Variants in ZDHHC5 observed in about 807,000 individuals in gnomAD.
ZDHHC5 encodes the protein zDHHC palmitoyltransferase 5.
In ZDHHC5, 22 loss-of-function variants were observed where a neutral mutation model predicts 70.0. The ratio of observed to expected loss-of-function variants is 0.31; its 90% CI spans 0.22 to 0.45. The LOEUF (loss-of-function observed/expected upper bound fraction) is 0.45. ZDHHC5 is among the 20% of genes least tolerant of loss of function. The probability of loss-of-function intolerance (pLI) is 1.00; values close to 1 mark genes in which losing one functional copy is unlikely to be tolerated. For missense variants in ZDHHC5, 746 were observed against 926.9 expected, an observed-to-expected ratio of 0.80 and a Z score of 2.53; for synonymous variants, 313 against 347.8, an observed-to-expected ratio of 0.90 and a Z score of 1.11.
chr11:57,699,003 C>G lies in ZDHHC5; in HGVS notation c.1567C>G (p.Pro523Ala). 2 of 1,609,216 alleles carry G rather than the reference C, an allele frequency of 1.2e-6. No individual in the cohort carries two copies. Among genetic ancestry groups the G allele is most frequent in the Non-Finnish European group, 1.7e-6 (2 of 1,179,974 alleles). Residue 523 changes from proline (P) to alanine (A), a missense_variant, in exon 11 of 12, where the codon CCA becomes GCA. Pro to Ala is a conservative substitution (Grantham distance 27). Transcript: ENST00000287169. Reference sequence around the variant, plus strand: ...GCACCCACGTTTGGTGCCAACTGGCCCAACACACCGAGAGCCCTCACCAGT... The same window carrying G: ...GCACCCACGTTTGGTGCCAACTGGCGCAACACACCGAGAGCCCTCACCAGT... The part of the protein sequence containing the change: ...ERHPRLVPTG[P>A]THREPSPVRY...
chr11:57,672,054 T>C lies in ZDHHC5; in HGVS notation c.-1037T>C, dbSNP rs541232281. ...CAGTAACCTGGTTGAACTCTGCATC[T>C]GGAAAGCTGAAGACTGAAGAAAGAT... On this transcript the variant is annotated 5_prime_UTR_variant, in exon 2 of 12. Coordinates refer to ENST00000287169, the MANE Select transcript of ZDHHC5 (RefSeq NM_015457.3). The C allele has an allele frequency of 7.4e-5, 29 of 391,372 alleles. No homozygotes were observed. The Admixed American group carries it at 1.2e-3, about 16-fold the overall frequency. The allele number at this position is 391,372 out of a possible 1,614,324, so 24.2% of individuals were successfully genotyped here.
In ZDHHC5 at chr11:57,699,429, G is replaced by A; in HGVS notation, c.1982+11G>A. 11 of 1,546,716 alleles carry A rather than the reference G, an allele frequency of 7.1e-6. No individual in the cohort carries two copies. The highest frequency in any genetic ancestry group is 9.6e-6 in the Non-Finnish European group (11 of 1,149,320). ...ATTACTGACACCCAAGTAAGTATTA[G>A]TACTATCCTGACCCTTAGCCAATTT... On this transcript the variant is annotated intron_variant, in intron 11 of 11. Transcript: ENST00000287169.
At position 57,698,286 on chromosome 11, in the gene ZDHHC5, A is replaced by G. The variant is rs369564772; in HGVS notation, c.1123-273A>G. Among the ~76,000 whole-genome samples, 14 of 152,300 alleles carry G rather than the reference A, an allele frequency of 9.2e-5. No homozygotes were observed. The East Asian group carries it at 2.3e-3, about 25-fold the overall frequency. On this transcript the variant is annotated intron_variant, in intron 10 of 11. Transcript: ENST00000287169. ...TGTCCTTCATCAGACTGGGCAATAT[A>G]GCATAATAGATTAGTGCTTGATCCG...
intron 3 of ZDHHC5, among the ~76,000 whole-genome samples, chr11:57,686,744 A>G (rs1385741767): frequency 6.6e-6 from 1 of 152,194 alleles, no homozygotes; most frequent in Non-Finnish European, 1.5e-5. Context: ...ATTGTGGTAT[A>G]TATCCTTGCA....
chr11:57,673,043 G>C lies in ZDHHC5; in HGVS notation c.-48G>C. On this transcript the variant is annotated 5_prime_UTR_variant, in exon 2 of 12. Coordinates refer to ENST00000287169, the MANE Select transcript of ZDHHC5 (RefSeq NM_015457.3). The stretch of plus-strand genomic sequence containing the variant: ...ATTTTCTTGTCTGTTCTGCCGCTGT[G>C]TGGGCCTGGGCTATGCGGCAGGGCA... The C allele has an allele frequency of 6.3e-7, 1 of 1,584,172 alleles. No individual in the cohort carries two copies. Among genetic ancestry groups the C allele is most frequent in the Non-Finnish European group, 8.7e-7 (1 of 1,153,380 alleles).
chr11:57,684,662 G>A (rs1231649533), intron 3 of ZDHHC5, among the ~76,000 whole-genome samples: 1 of 152,152 alleles, frequency 6.6e-6, no homozygotes, highest in Non-Finnish European at 1.5e-5. Context: ...GGTTATGCTT[G>A]CAGAAGAAGT....
chr11:57,690,484 CT>C (rs781596209), intron 6 of ZDHHC5, 47 bp downstream of exon 6: 2 of 1,593,856 alleles, frequency 1.3e-6, no homozygotes, highest in South Asian at 1.1e-5. Context: ...GGTCATGTCT[CT>C]TTAGCCTTCT....
In ZDHHC5 at chr11:57,673,122, C is replaced by T. The variant is rs763345795; in HGVS notation, c.32C>T (p.Pro11Leu). The T allele has an allele frequency of 1.2e-6, 2 of 1,614,060 alleles. No individual in the cohort carries two copies. The highest frequency in any genetic ancestry group is 1.7e-6 in the Non-Finnish European group (2 of 1,179,966). Residue 11 changes from proline to leucine, a missense_variant, in exon 2 of 12, where the codon CCC becomes CTC. By Grantham distance (98) the Pro-to-Leu change is moderately conservative (BLOSUM62 -3). Around this residue, in one of 6 missense-constraint regions of ZDHHC5, gnomAD observed 89 missense variants for 130.7 expected, o/e 0.68. Coordinates refer to ENST00000287169, the MANE Select transcript of ZDHHC5 (RefSeq NM_015457.3). ...GCAGAGTCTGGAAAGAGATTCAAACCCAGCAAGTATGTCCCGGTCTCTGCA... is the reference window on the plus strand; with the variant it reads ...GCAGAGTCTGGAAAGAGATTCAAACTCAGCAAGTATGTCCCGGTCTCTGCA... MPAESGKRFK[P>L]SKYVPVSAAA...
chr11:57,671,467 A>G (rs902439958), intron 1 of ZDHHC5, among the ~76,000 whole-genome samples: 9 of 152,186 alleles, frequency 5.9e-5, no homozygotes, highest in African/African-American at 1.9e-4. Context: ...CTGCAAGAAC[A>G]TTTCTTACCC....
In ZDHHC5 at chr11:57,672,005, A is replaced by G. The variant is rs149986287; in HGVS notation, c.-1070-16A>G. The G allele has an allele frequency of 4.8e-5, 18 of 377,232 alleles. No individual in the cohort carries two copies. The highest frequency in any genetic ancestry group is 2.7e-4 in the African/African-American group (13 of 48,298). 23.4% of individuals were successfully genotyped at this position (377,232 alleles called of 1,614,324 possible). On this transcript the variant is annotated splice_polypyrimidine_tract_variant and intron_variant, in intron 1 of 11. Transcript: ENST00000287169. ...CCTGAAAGAATTCTCTGATAAAGATACTTGTTTTTCTCCAGGTGAGACACA... is the reference window on the plus strand; with the variant it reads ...CCTGAAAGAATTCTCTGATAAAGATGCTTGTTTTTCTCCAGGTGAGACACA...
At chr11:57,671,991 T>A (rs1203174450) in intron 1 of ZDHHC5, 30 bp from the exon 2 acceptor site, 3 of 363,080 alleles carry the variant, frequency 8.3e-6, no homozygotes, top group Non-Finnish European at 1.5e-5. Flanking sequence ...CTGAAAGAAT[T>A]CTCTGATAAA....
chr11:57,689,903 C>T, intron 4 of ZDHHC5, 128 bp from the exon 5 acceptor site: 1 of 1,246,298 alleles, frequency 8.0e-7, no homozygotes, highest in Non-Finnish European at 1.1e-6. Flanking sequence ...GCAAAATAAA[C>T]TGGATTTAAT....
At position 57,688,623 on chromosome 11, in the gene ZDHHC5, C is replaced by T. The variant is rs1402750033; in HGVS notation, c.342C>T (p.Pro114=). ...GTGCCACCTGCCGCTTTTACCGTCC[C>T]CCTCGATGTTCCCACTGCAGTGTCT... ...KWCATCRFYR[P]PRCSHCSVCD... is the part of the protein sequence containing the mutation. Residue 114 remains proline, a synonymous_variant, in exon 4 of 12, where the codon CCC becomes CCT. Coordinates refer to ENST00000287169, the MANE Select transcript of ZDHHC5 (RefSeq NM_015457.3). 6.2e-7 allele frequency: 1 copy of T among 1,610,402 alleles called. No individual in the cohort carries two copies. The highest frequency in any genetic ancestry group is 8.5e-7 in the Non-Finnish European group (1 of 1,178,458).
At chr11:57,675,294 T>C (rs1273310691) in intron 2 of ZDHHC5, among the ~76,000 whole-genome samples, 3 of 152,228 alleles carry the variant, frequency 2.0e-5, no homozygotes, top group Admixed American at 6.5e-5. Context: ...CTCCCTCTTC[T>C]TGAGATAGAG....
intron 3 of ZDHHC5, among the ~76,000 whole-genome samples, chr11:57,686,504 T>TG (rs971303543): frequency 4.2e-4 from 64 of 151,970 alleles, no homozygotes; most frequent in African/African-American, 1.5e-3. Context: ...TTAGTAGAGA[T>TG]GGGGTCTCAC....
intron 2 of ZDHHC5, among the ~76,000 whole-genome samples, chr11:57,675,489 T>A (rs901644729): frequency 6.6e-6 from 1 of 152,208 alleles, no homozygotes; most frequent in African/African-American, 2.4e-5. Context: ...TTCCATGGTC[T>A]CTTAGCTCTA....
Position 57,690,195 on chromosome 11 carries a change from G to A in ZDHHC5, c.549G>A (p.Thr183=), listed in dbSNP as rs1424242131. 3.7e-6 allele frequency: 6 copies of A among 1,613,922 alleles called. No homozygotes were observed. Among genetic ancestry groups the A allele is most frequent in the East Asian group, 2.2e-5 (1 of 44,892 alleles). ...TAGAGGAACTCTCAGGGGTCCGCAC[G>A]GCTGTCACGTATCCTTCAAGGCCTT... is the stretch of plus-strand genomic sequence containing the variant. ...YHIEELSGVR[T]AVTMAVMCVA... The change falls in exon 5 of 12, where the codon ACG becomes ACA. Residue 183 remains threonine (T), a synonymous_variant. Transcript: ENST00000287169.
chr11:57,688,443 T>C (rs1022376116), intron 3 of ZDHHC5, 65 bp from the exon 4 acceptor site: 4 of 1,440,716 alleles, frequency 2.8e-6, no homozygotes, highest in Non-Finnish European at 3.7e-6. Context: ...TTAAACATCA[T>C]TGAATCCCTA....
intron 9 of ZDHHC5, among the ~76,000 whole-genome samples, chr11:57,696,464 C>T (rs972872007): frequency 6.6e-6 from 1 of 152,168 alleles, no homozygotes; most frequent in African/African-American, 2.4e-5. Context: ...ACCTGTGATC[C>T]CAGCACTTTG....
Sources: allele counts gnomAD v4.1 joint callset (sites outside exome capture counted in the v4.1 genomes callset), GRCh38; gene constraint gnomAD v4.1.1; regional missense constraint gnomAD v4.1.1; transcripts MANE v1.5; gene names NCBI Gene and HGNC (gene_info 2026-07-23, HGNC 2026-07-21).